The following CNBD1 variants were observed in gnomAD, a reference collection of about 807,000 sequenced individuals.
CNBD1 encodes cyclic nucleotide-binding domain-containing protein 1.
A neutral mutation model predicts 54.4 loss-of-function variants in CNBD1; 71 were observed. The ratio of observed to expected loss-of-function variants is 1.30; its 90% CI spans 1.08 to 1.59. The LOEUF is 1.59. CNBD1 is among the 40% of genes most tolerant of loss of function. CNBD1 has a pLI of 0.00. For synonymous variants in CNBD1, 182 were observed against 170.7 expected, an observed-to-expected ratio of 1.07 and a Z score of -0.51; for missense variants, 659 against 518.0, an observed-to-expected ratio of 1.27 and a Z score of -2.64.
At chr8:87,036,577 G>C (rs531805706) in intron 4 of CNBD1, among the ~76,000 whole-genome samples, 329 of 123,770 alleles carry the variant, frequency 2.7e-3, no homozygotes, top group African/African-American at 9.6e-3. Context: ...CTGGGCGACA[G>C]AGCGAGACTG....
chr8:87,149,510 G>A (rs1439088622), intron 4 of CNBD1, among the ~76,000 whole-genome samples: 2 of 152,170 alleles, frequency 1.3e-5, no homozygotes, highest in Admixed American at 6.5e-5. Flanking sequence ...GGAAATCCAA[G>A]GGTAGAATAT....
intron 2 of CNBD1, among the ~76,000 whole-genome samples, chr8:87,418,178 G>T (rs1807866549): frequency 6.6e-6 from 1 of 151,794 alleles, no homozygotes; most frequent in Non-Finnish European, 1.5e-5. Flanking sequence ...GTGTGGTGCT[G>T]GTATAAGGAT....
At chr8:87,256,015 A>ATTT (rs1212667153) in intron 6 of CNBD1, among the ~76,000 whole-genome samples, 2 of 15,782 alleles carry the variant, frequency 1.3e-4, no homozygotes, top group African/African-American at 5.6e-4. Flanking sequence ...ATATATATAT[A>ATTT]TTTTTTTTTT....
intron 4 of CNBD1, among the ~76,000 whole-genome samples, chr8:87,057,399 G>A (rs1424345771): frequency 6.6e-6 from 1 of 152,122 alleles, no homozygotes; most frequent in Admixed American, 6.5e-5. Flanking sequence ...AACAGCATGG[G>A]AGTCATCACC....
chr8:87,406,201 A>G (rs1563589614), intron 2 of CNBD1, among the ~76,000 whole-genome samples: 1 of 152,052 alleles, frequency 6.6e-6, no homozygotes, highest in Non-Finnish European at 1.5e-5. Context: ...ATTGAGTCCA[A>G]TCTTTGTTCA....
At chr8:87,072,444 A>G (rs1222677013) in intron 4 of CNBD1, among the ~76,000 whole-genome samples, 1 of 152,150 alleles carries the variant, frequency 6.6e-6, no homozygotes, top group Non-Finnish European at 1.5e-5. Context: ...GTGACTGATA[A>G]CAGTTTTTCC....
chr8:86,884,135 G>A (rs569031115), intron 1 of CNBD1, among the ~76,000 whole-genome samples: 80 of 151,098 alleles, frequency 5.3e-4, no homozygotes, highest in Admixed American at 2.5e-3. Context: ...CTGGGCGACA[G>A]AGCGAGACTC....
At chr8:87,049,541 T>C (rs1810271007) in intron 4 of CNBD1, among the ~76,000 whole-genome samples, 1 of 152,112 alleles carries the variant, frequency 6.6e-6, no homozygotes, top group African/African-American at 2.4e-5. Flanking sequence ...GGGTTTCTTG[T>C]TCTGTGAAGG....
At chr8:87,389,279 G>T (rs1171130404) in intron 2 of CNBD1, among the ~76,000 whole-genome samples, 1 of 152,092 alleles carries the variant, frequency 6.6e-6, no homozygotes, top group Non-Finnish European at 1.5e-5. Flanking sequence ...GGAAATAAAG[G>T]GTATTCAATT....
intron 4 of CNBD1, among the ~76,000 whole-genome samples, chr8:87,017,381 T>A (rs1809377330): frequency 6.6e-6 from 1 of 152,158 alleles, no homozygotes; most frequent in Non-Finnish European, 1.5e-5. Flanking sequence ...GTGTGGAGCA[T>A]TTATTGGGGC....
chr8:87,132,330 T>C (rs1026216492), intron 4 of CNBD1, among the ~76,000 whole-genome samples: 54 of 151,896 alleles, frequency 3.6e-4, no homozygotes, highest in African/African-American at 1.3e-3. Context: ...TTACTAATTG[T>C]GATAATACCT....
At chr8:87,133,909 G>A (rs1812173124) in intron 4 of CNBD1, among the ~76,000 whole-genome samples, 1 of 152,042 alleles carries the variant, frequency 6.6e-6, no homozygotes, top group Non-Finnish European at 1.5e-5. Flanking sequence ...AGGCTCTAAT[G>A]GTAGAGCACT....
At position 87,341,512 on chromosome 8, in the gene CNBD1, T is replaced by C. The variant is rs578147068; in HGVS notation, c.1043-10173T>C. Among the ~76,000 whole-genome samples the C allele has an allele frequency of 4.6e-5, 7 of 152,324 alleles. No homozygotes were observed. In the South Asian group the frequency reaches 1.2e-3, roughly 27 times the overall value. ...AAACTCTTCTAATAGTCTTCTGCTA[T>C]GGTTTGAATCTTTGCCATCTACAAA... On this transcript the variant is annotated intron_variant, in intron 8 of 10. Coordinates refer to ENST00000518476, the MANE Select transcript of CNBD1 (RefSeq NM_173538.3).
chr8:87,365,124 T>C (rs1810617009), intron 10 of CNBD1, among the ~76,000 whole-genome samples: 1 of 152,072 alleles, frequency 6.6e-6, no homozygotes, highest in Non-Finnish European at 1.5e-5. Flanking sequence ...TGTATAAGTG[T>C]CCCCTTTTCT....
rs1188843853 is a variant in CNBD1, at chr8:86,978,050, TAAAG to T, written c.431+38297_431+38300del. 3.3e-5 allele frequency among the ~76,000 whole-genome samples: 5 copies of T among 152,302 alleles called. No individual in the cohort carries two copies. The East Asian group carries it at 9.6e-4, about 29-fold the overall frequency. ...ATAATTTACTATGTCCTCTTTATAT[TAAAG>T]TAATCTGTATGGCTTATGAATTACA... On this transcript the variant is annotated intron_variant, in intron 4 of 10. Transcript: ENST00000518476.
At chr8:87,255,955 T>A (rs1435953852) in intron 6 of CNBD1, among the ~76,000 whole-genome samples, 6 of 121,238 alleles carry the variant, frequency 4.9e-5, no homozygotes, top group African/African-American at 1.8e-4. Context: ...AAAATACTCA[T>A]ATGATTTGCA....
At chr8:87,230,230 C>G (rs1814647058) in intron 5 of CNBD1, among the ~76,000 whole-genome samples, 1 of 151,826 alleles carries the variant, frequency 6.6e-6, no homozygotes, top group Non-Finnish European at 1.5e-5. Flanking sequence ...TGATTCACAC[C>G]CATGATCCAA....
At chr8:87,277,470 T>C (rs1303469580) in intron 6 of CNBD1, among the ~76,000 whole-genome samples, 2 of 151,740 alleles carry the variant, frequency 1.3e-5, no homozygotes, top group Non-Finnish European at 2.9e-5. Context: ...ATTTGGACAC[T>C]CCGTGATCCA....
chr8:87,134,054 A>G (rs187708112), intron 4 of CNBD1, among the ~76,000 whole-genome samples: 372 of 152,338 alleles, frequency 2.4e-3, no homozygotes, highest in Admixed American at 3.8e-3. Flanking sequence ...AATTCGAAAC[A>G]TATAATCTTG....
Sources: gnomAD v4.1 joint callset for allele counts (sites outside exome capture counted in the v4.1 genomes callset) on GRCh38, gnomAD v4.1.1 for gene constraint, MANE v1.5 for transcripts, NCBI Gene and HGNC (gene_info 2026-07-23, HGNC 2026-07-21) for gene names.